NTN4: variants seen among roughly 807,000 people sequenced by gnomAD.
NTN4 encodes netrin-4.
Under a neutral mutation model 73.6 loss-of-function variants are expected in NTN4, and 32 were observed. The ratio of observed to expected loss-of-function variants is 0.44; its 90% CI spans 0.33 to 0.58. The LOEUF is 0.58. Among genes scored for constraint, NTN4 ranks in the 20% least tolerant of loss-of-function variants. The probability of loss-of-function intolerance (pLI) is 0.04; values close to 1 mark genes in which losing one functional copy is unlikely to be tolerated. For missense variants in NTN4, 654 were observed against 798.3 expected (o/e 0.82, Z 2.18); for synonymous variants, 258 against 287.5 (o/e 0.90, Z 1.04).
Position 95,724,439 on chromosome 12 carries a change from G to A in NTN4, c.865-11101C>T, listed in dbSNP as rs184507779. On this transcript the variant is annotated intron_variant, in intron 3 of 9. Transcript: ENST00000343702. ...ATATTTACTTGACTAGATCCTACAA[G>A]TGAACTGAGCTGGTGTATGGGCTTA... 1.3e-3 allele frequency among the ~76,000 whole-genome samples: 192 copies of A among 152,288 alleles called. 1 individual carries two copies. The highest frequency in any genetic ancestry group is 2.0e-3 in the Non-Finnish European group (134 of 68,020).
At chr12:95,698,433 T>A (rs1334576653) in intron 5 of NTN4, among the ~76,000 whole-genome samples, 1 of 152,220 alleles carries the variant, frequency 6.6e-6, no homozygotes, top group African/African-American at 2.4e-5. Flanking sequence ...AGTAGAATGG[T>A]ATACTATTTA....
At chr12:95,726,622 T>C (rs1456436242) in intron 3 of NTN4, among the ~76,000 whole-genome samples, 1 of 152,164 alleles carries the variant, frequency 6.6e-6, no homozygotes, top group Non-Finnish European at 1.5e-5. Context: ...CACTTGTGTA[T>C]ATACTGAGGG....
At chr12:95,692,974 G>A (rs17024532) in intron 5 of NTN4, among the ~76,000 whole-genome samples, 9,533 of 151,830 alleles carry the variant, frequency 0.063, 399 homozygotes, top group East Asian at 0.21. Context: ...ATTTAGCAAT[G>A]TATCAGGCAT....
At chr12:95,694,600 T>G (rs1309976575) in intron 5 of NTN4, among the ~76,000 whole-genome samples, 2 of 152,162 alleles carry the variant, frequency 1.3e-5, no homozygotes, top group Non-Finnish European at 2.9e-5. Flanking sequence ...TCTTTTATCT[T>G]TTTTTTCTTT....
At chr12:95,764,667 C>G (rs372937022) in intron 2 of NTN4, among the ~76,000 whole-genome samples, 3 of 143,418 alleles carry the variant, frequency 2.1e-5, no homozygotes, top group Admixed American at 7.3e-5. Context: ...TCCATCCCCC[C>G]GCCCCGACCA....
chr12:95,785,126 T>C (rs1181389214), intron 2 of NTN4, among the ~76,000 whole-genome samples: 3 of 151,112 alleles, frequency 2.0e-5, no homozygotes, highest in Non-Finnish European at 4.4e-5. Flanking sequence ...ATAGTCATCT[T>C]TAAATAATTG....
In NTN4 at chr12:95,719,049, TCCCA is replaced by T. The variant is rs542234555; in HGVS notation, c.865-5715_865-5712del. Among the ~76,000 whole-genome samples, 423 of 152,284 alleles carry T rather than the reference TCCCA, an allele frequency of 2.8e-3. 3 individuals carry two copies. The highest frequency in any genetic ancestry group is 9.5e-3 in the African/African-American group (395 of 41,568). On this transcript the variant is annotated intron_variant, in intron 3 of 9. Coordinates refer to ENST00000343702, the MANE Select transcript of NTN4 (RefSeq NM_021229.4). Reference sequence around the variant, plus strand: ...CTAGGAATGTCTGATAAAATTTGCTTCCCAATTGCTTTCCAAGAAAGAAAGGAAC... The same window carrying T: ...CTAGGAATGTCTGATAAAATTTGCTTATTGCTTTCCAAGAAAGAAAGGAAC...
intron 5 of NTN4, among the ~76,000 whole-genome samples, chr12:95,695,085 G>A (rs1386059210): frequency 1.3e-5 from 2 of 151,280 alleles, no homozygotes; most frequent in African/African-American, 2.4e-5. Flanking sequence ...CGGAGATCAC[G>A]CCACTGCACG....
At chr12:95,782,844 T>A (rs957755894) in intron 2 of NTN4, among the ~76,000 whole-genome samples, 2 of 152,168 alleles carry the variant, frequency 1.3e-5, no homozygotes, top group African/African-American at 4.8e-5. Context: ...AGTAACTACA[T>A]CCCTTTAGAG....
At chr12:95,748,728 C>T (rs1296667627) in intron 2 of NTN4, among the ~76,000 whole-genome samples, 2 of 152,138 alleles carry the variant, frequency 1.3e-5, no homozygotes, top group Non-Finnish European at 2.9e-5. Flanking sequence ...AGCTTGGCCT[C>T]CCGAAGTGCT....
chr12:95,698,529 T>C (rs2121044702), intron 5 of NTN4, among the ~76,000 whole-genome samples: 1 of 152,286 alleles, frequency 6.6e-6, no homozygotes, highest in African/African-American at 2.4e-5. Flanking sequence ...TCTTCCCAAA[T>C]GTGACTGATT....
intron 3 of NTN4, among the ~76,000 whole-genome samples, chr12:95,718,054 T>C (rs992021158): frequency 6.6e-6 from 1 of 152,206 alleles, no homozygotes; most frequent in Non-Finnish European, 1.5e-5. Flanking sequence ...CATACACACA[T>C]TGAACCAGTC....
At chr12:95,734,069 C>T (rs934902389) in intron 3 of NTN4, among the ~76,000 whole-genome samples, 11 of 94,224 alleles carry the variant, frequency 1.2e-4, no homozygotes, top group South Asian at 3.9e-4. Flanking sequence ...GACTCCATTT[C>T]AAAAAAAAAA....
chr12:95,745,185 T>A (rs2121199055), intron 2 of NTN4, among the ~76,000 whole-genome samples: 1 of 152,246 alleles, frequency 6.6e-6, no homozygotes, highest in Admixed American at 6.5e-5. Flanking sequence ...GATCCATGGA[T>A]TTATAGTTAT....
chr12:95,699,156 C>T (rs2078464362), intron 5 of NTN4, among the ~76,000 whole-genome samples: 1 of 151,926 alleles, frequency 6.6e-6, no homozygotes, highest in South Asian at 2.1e-4. Context: ...CAGTTGCTTT[C>T]AATATAAAAC....
intron 2 of NTN4, among the ~76,000 whole-genome samples, chr12:95,753,193 A>C (rs2078923137): frequency 6.6e-6 from 1 of 152,054 alleles, no homozygotes. Flanking sequence ...AAGGCAGGCT[A>C]TGCTATAGTA....
chr12:95,771,191 G>A (rs1266662064), intron 2 of NTN4, among the ~76,000 whole-genome samples: 2 of 151,910 alleles, frequency 1.3e-5, no homozygotes, highest in South Asian at 2.1e-4. Context: ...GGGTTTCACC[G>A]TGTTAGCCAG....
At chr12:95,698,379 A>G (rs2078457831) in intron 5 of NTN4, among the ~76,000 whole-genome samples, 1 of 152,194 alleles carries the variant, frequency 6.6e-6, no homozygotes, top group Non-Finnish European at 1.5e-5. Context: ...GAAGATTTTG[A>G]TATTTTCTAA....
At chr12:95,696,915 A>G (rs1391146037) in intron 5 of NTN4, among the ~76,000 whole-genome samples, 4 of 152,058 alleles carry the variant, frequency 2.6e-5, no homozygotes, top group Non-Finnish European at 4.4e-5. Context: ...CACACCTGTA[A>G]CCTCAGTACT....
Sources: gnomAD v4.1 joint callset for allele counts (sites outside exome capture counted in the v4.1 genomes callset) on GRCh38, gnomAD v4.1.1 for gene constraint, MANE v1.5 for transcripts, NCBI Gene and HGNC (gene_info 2026-07-23, HGNC 2026-07-21) for gene names.